The following ATE1 variants were observed in gnomAD, a reference collection of about 807,000 sequenced individuals.
ATE1 encodes arginyl-tRNA--protein transferase 1.
Under a neutral mutation model 70.5 loss-of-function variants are expected in ATE1, and 36 were observed. The observed-to-expected ratio is 0.51, with a 90% CI of 0.39 to 0.67. ATE1 has a LOEUF of 0.67. Among genes scored for constraint, ATE1 ranks in the 30% least tolerant of loss-of-function variants. The pLI, the probability that ATE1 is intolerant of heterozygous loss-of-function variation, is 0.00. For missense variants in ATE1, 593 were observed against 629.5 expected, an observed-to-expected ratio of 0.94 and a Z score of 0.62; for synonymous variants, 232 against 219.3, an observed-to-expected ratio of 1.06 and a Z score of -0.51.
chr10:121,827,558 G>A (rs898122979), intron 10 of ATE1, among the ~76,000 whole-genome samples: 3 of 152,194 alleles, frequency 2.0e-5, no homozygotes, highest in Non-Finnish European at 2.9e-5. Flanking sequence ...ATTTCAACCA[G>A]TGCCTGAGTC....
At chr10:121,830,706 T>G (rs1440293723) in intron 10 of ATE1, among the ~76,000 whole-genome samples, 6 of 152,128 alleles carry the variant, frequency 3.9e-5, no homozygotes, top group Non-Finnish European at 8.8e-5. Flanking sequence ...AAAATCAATA[T>G]GTTGTTGAAG....
At chr10:121,924,191 G>A in intron 2 of ATE1, 75 bp downstream of exon 2, 1 of 1,386,866 alleles carries the variant, frequency 7.2e-7, no homozygotes, top group South Asian at 1.2e-5. Context: ...CAACAGGAAA[G>A]CATTTCAAAG....
chr10:121,759,312 C>A (rs1292153210), intron 11 of ATE1, among the ~76,000 whole-genome samples: 2 of 152,210 alleles, frequency 1.3e-5, no homozygotes, highest in Non-Finnish European at 2.9e-5. Context: ...CAGAGCAAGA[C>A]CCTAACTCTC....
At chr10:121,776,683 G>A (rs1044770253) in intron 11 of ATE1, among the ~76,000 whole-genome samples, 2 of 152,262 alleles carry the variant, frequency 1.3e-5, no homozygotes, top group African/African-American at 4.8e-5. Context: ...TACCACACGA[G>A]TGAGGGTGAG....
intron 3 of ATE1, among the ~76,000 whole-genome samples, chr10:121,918,491 C>T (rs1951748892): frequency 6.6e-6 from 1 of 152,164 alleles, no homozygotes; most frequent in Non-Finnish European, 1.5e-5. Context: ...TAGTGCTTTC[C>T]ATGTAACAGG....
At chr10:121,891,732 C>T (rs1246655649) in intron 7 of ATE1, among the ~76,000 whole-genome samples, 2 of 152,170 alleles carry the variant, frequency 1.3e-5, no homozygotes, top group South Asian at 2.1e-4. Flanking sequence ...GATTATTTTA[C>T]AGAGTCAGAC....
At chr10:121,795,805 C>T (rs7908063) in intron 10 of ATE1, among the ~76,000 whole-genome samples, 147,219 of 152,290 alleles carry the variant, frequency 0.97, 71,329 homozygotes, top group East Asian at 1. Context: ...ATCACACAAA[C>T]GAAAACACAG....
At position 121,764,008 on chromosome 10, in the gene ATE1, T is replaced by G. The variant is rs139184121; in HGVS notation, c.1379-20150A>C. Among the ~76,000 whole-genome samples the G allele has an allele frequency of 3.5e-4, 53 of 152,198 alleles. 3 individuals carry two copies. The East Asian group carries it at 8.7e-3, about 25-fold the overall frequency. On this transcript the variant is annotated intron_variant, in intron 11 of 11. Transcript: ENST00000224652. ...CAGAGCGACACAGCAAGACCCTGTC[T>G]TAAAAAAATAAAATAAAAAGAACAT...
chr10:121,926,613 T>C (rs1952100999), intron 1 of ATE1: 1 of 626,726 alleles, frequency 1.6e-6, no homozygotes, highest in Non-Finnish European at 2.0e-6. Context: ...TAATGACCTA[T>C]TAAAATATTA....
chr10:121,778,981 C>A (rs2135940017), intron 11 of ATE1, among the ~76,000 whole-genome samples: 1 of 152,172 alleles, frequency 6.6e-6, no homozygotes, highest in Non-Finnish European at 1.5e-5. Flanking sequence ...TCACTTTAAT[C>A]CTACATTAGC....
intron 10 of ATE1, among the ~76,000 whole-genome samples, chr10:121,830,413 T>C (rs1292487484): frequency 1.3e-5 from 2 of 152,156 alleles, no homozygotes; most frequent in African/African-American, 4.8e-5. Context: ...CAGTCTCCCT[T>C]CTGTTTCTCC....
rs1444822502 is a variant in ATE1 at position 121,910,945 on chromosome 10, G to T, written c.544C>A (p.Pro182Thr). 1 of 1,613,772 alleles carries T rather than the reference G, an allele frequency of 6.2e-7. No homozygotes were observed. Among genetic ancestry groups the T allele is most frequent in the Non-Finnish European group, 8.5e-7 (1 of 1,179,990 alleles). Residue 182 changes from proline (P) to threonine (T), a missense_variant, in exon 5 of 12, where the codon CCG becomes ACG. Physicochemically the swap from Pro to Thr is conservative, Grantham distance 38 (BLOSUM62 -1). Around this residue, in one of 3 missense-constraint regions of ATE1, gnomAD observed 467 missense variants for 469.6 expected, o/e 0.99. Coordinates refer to ENST00000224652, the MANE Select transcript of ATE1 (RefSeq NM_001001976.3). ...FVGEKLGSGE[P>T]SHSVKVHTVP... ...GTGTGAACTTTAACTGAATGTGACG[G>T]TTCACCAGAGCCCAACTTCTCTCCT... is the stretch of plus-strand genomic sequence containing the variant.
chr10:121,773,909 A>G (rs1945625447), intron 11 of ATE1, among the ~76,000 whole-genome samples: 1 of 152,230 alleles, frequency 6.6e-6, no homozygotes, highest in African/African-American at 2.4e-5. Context: ...AATATTTTCA[A>G]GTACATAGTT....
Position 121,743,706 on chromosome 10 carries a change from C to G in ATE1, c.1531G>C (p.Glu511Gln). 6.2e-7 allele frequency: 1 copy of G among 1,612,656 alleles called. No individual in the cohort carries two copies. Among genetic ancestry groups the G allele is most frequent in the Non-Finnish European group, 8.5e-7 (1 of 1,179,548 alleles). ...YASLVGQKCSERMLLFRN is the reference protein window; with the variant it reads ...YASLVGQKCSQRMLLFRN ...CAGTTTCTGAACAGCAGCATCCGCT[C>G]GGAGCACTTCTGCCCCACCAGGCTG... The change falls in exon 12 of 12, where the codon GAG (glutamate) becomes CAG (glutamine). Residue 511 changes from glutamate (E) to glutamine (Q), a missense_variant. Physicochemically the swap from Glu to Gln is conservative, Grantham distance 29 (BLOSUM62 2). Around this residue, in one of 3 missense-constraint regions of ATE1, gnomAD observed 90 missense variants for 93.7 expected, o/e 0.96. Coordinates refer to ENST00000224652, the MANE Select transcript of ATE1 (RefSeq NM_001001976.3).
intron 11 of ATE1, among the ~76,000 whole-genome samples, chr10:121,759,386 T>C (rs1023060415): frequency 6.6e-6 from 1 of 151,954 alleles, no homozygotes; most frequent in South Asian, 2.1e-4. Flanking sequence ...CTAGGAGAGA[T>C]TGATTCATGA....
intron 10 of ATE1, among the ~76,000 whole-genome samples, chr10:121,795,004 G>C (rs528791020): frequency 6.6e-6 from 1 of 152,108 alleles, no homozygotes; most frequent in Non-Finnish European, 1.5e-5. Context: ...TCCCAGTACC[G>C]TGGGAGGCCG....
chr10:121,847,121 C>G (rs1948855059), intron 8 of ATE1, among the ~76,000 whole-genome samples: 1 of 152,136 alleles, frequency 6.6e-6, no homozygotes, highest in Non-Finnish European at 1.5e-5. Context: ...ATGTAAGCCT[C>G]AAGGCTGATA....
intron 3 of ATE1, among the ~76,000 whole-genome samples, chr10:121,921,690 TG>T (rs1564969628): frequency 6.6e-6 from 1 of 152,102 alleles, no homozygotes; most frequent in Non-Finnish European, 1.5e-5. Context: ...CTGGGTTGCT[TG>T]GCAACGGTCA....
In ATE1 at chr10:121,803,708, A is replaced by G. The variant is rs140827664; in HGVS notation, c.1258-13419T>C. Among the ~76,000 whole-genome samples the G allele has an allele frequency of 5.8e-3, 876 of 152,302 alleles. 8 individuals are homozygous for G. The highest frequency in any genetic ancestry group is 4.7e-3 in the Non-Finnish European group (318 of 68,012). ...GCTGTCTCTAACTAATCATATCTCT[A>G]TCTGGAGCCATGATTTTTTCCAGAA... is the stretch of plus-strand genomic sequence containing the variant. On this transcript the variant is annotated intron_variant, in intron 10 of 11. Transcript: ENST00000224652.
Sources: gnomAD v4.1 joint callset for allele counts (sites outside exome capture counted in the v4.1 genomes callset) on GRCh38, gnomAD v4.1.1 for gene constraint, gnomAD v4.1.1 regional missense constraint, MANE v1.5 for transcripts, NCBI Gene and HGNC (gene_info 2026-07-23, HGNC 2026-07-21) for gene names.